The following RNF170 variants were observed in gnomAD, a reference collection of about 807,000 sequenced individuals.
The protein encoded by RNF170 is E3 ubiquitin-protein ligase RNF170.
A neutral mutation model predicts 32.7 loss-of-function variants in RNF170; 12 were observed. The ratio of observed to expected loss-of-function variants is 0.37; its 90% CI spans 0.24 to 0.60. The LOEUF (loss-of-function observed/expected upper bound fraction) is 0.60, where lower values mean the gene tolerates loss of function less well. RNF170 is among the 20% of genes least tolerant of loss of function. The pLI is 0.72. For synonymous variants in RNF170, 91 were observed against 103.6 expected, an observed-to-expected ratio of 0.88 and a Z score of 0.74; for missense variants, 212 against 311.2, an observed-to-expected ratio of 0.68 and a Z score of 2.40.
At chr8:42,849,841 CT>C (rs1802897984), downstream of RNF170, 1 of 152,178 alleles carries the variant, frequency 6.6e-6, no homozygotes, top group South Asian at 2.1e-4. Context: ...ACGCATAGTT[CT>C]GGGGGCTTGG....
chr8:42,889,408 A>C (rs1268514524), intron 1 of RNF170: 1 of 152,204 alleles, frequency 6.6e-6, no homozygotes, highest in Non-Finnish European at 1.5e-5. Flanking sequence ...AAAGTCTTAT[A>C]AGACACCTAA....
intron 5 of RNF170, 126 bp downstream of exon 5, chr8:42,865,290 A>G (rs1804001644): frequency 1.5e-6 from 1 of 656,178 alleles, no homozygotes; most frequent in East Asian, 2.8e-5. Context: ...TGGTGACATC[A>G]AAGAAGATTT....
In RNF170 at chr8:42,854,001, C is replaced by T; in HGVS notation, c.*2158G>A. ...TCAAAAAATGACATCACCATTCCCC[C>T]ACACCAAATGTGTAATTGGTAGGAA... On this transcript the variant is annotated 3_prime_UTR_variant, in exon 7 of 7. Transcript: ENST00000527424. 1 of 1,287,182 alleles carries T rather than the reference C, an allele frequency of 7.8e-7. No homozygotes were observed. The highest frequency in any genetic ancestry group is 1.0e-6 in the Non-Finnish European group (1 of 988,666). 79.7% of individuals were successfully genotyped at this position (1,287,182 alleles called of 1,614,324 possible).
intron 4 of RNF170, among the ~76,000 whole-genome samples, chr8:42,868,697 C>T (rs971622922): frequency 1.2e-4 from 18 of 151,854 alleles, no homozygotes; most frequent in African/African-American, 4.4e-4. Flanking sequence ...TACAAAAATA[C>T]AAAAATTAGC....
intron 2 of RNF170, among the ~76,000 whole-genome samples, chr8:42,887,207 G>T (rs1586552216): frequency 6.6e-6 from 1 of 152,264 alleles, no homozygotes; most frequent in African/African-American, 2.4e-5. Context: ...CAGGAGAATC[G>T]CTTGAACCCC....
intron 3 of RNF170, among the ~76,000 whole-genome samples, chr8:42,873,262 G>A (rs1804653802): frequency 6.6e-6 from 1 of 151,392 alleles, no homozygotes; most frequent in South Asian, 2.1e-4. Flanking sequence ...CAGCAGCCGG[G>A]GCAACATAGT....
chr8:42,884,868 AT>A (rs1202519966), intron 2 of RNF170, among the ~76,000 whole-genome samples: 2 of 139,160 alleles, frequency 1.4e-5, no homozygotes, highest in Admixed American at 1.5e-4. Flanking sequence ...CACCTGGCTA[AT>A]TTTTGTATTT....
At chr8:42,882,082 C>A (rs930912244) in intron 2 of RNF170, among the ~76,000 whole-genome samples, 9 of 151,994 alleles carry the variant, frequency 5.9e-5, no homozygotes, top group Non-Finnish European at 1.2e-4. Flanking sequence ...TTAAAAAAAA[C>A]ACACACACAT....
In RNF170 at chr8:42,854,794, T is replaced by C; in HGVS notation, c.*1365A>G. The C allele has an allele frequency of 3.9e-6, 5 of 1,287,342 alleles. No individual in the cohort carries two copies. Among genetic ancestry groups the C allele is most frequent in the Non-Finnish European group, 5.1e-6 (5 of 988,656 alleles). 79.7% of individuals were successfully genotyped at this position (1,287,342 alleles called of 1,614,324 possible). A position where few individuals can be genotyped will look rare whatever the true frequency, so the allele number is the denominator to read the frequency against. On this transcript the variant is annotated 3_prime_UTR_variant, in exon 7 of 7. Coordinates refer to ENST00000527424, the MANE Select transcript of RNF170 (RefSeq NM_030954.4). ...CATCCTGCTGTCATACATTCACTAA[T>C]GAGCAACGCCAGCTGAAGTGAGTAA... is the stretch of plus-strand genomic sequence containing the variant.
intron 2 of RNF170, among the ~76,000 whole-genome samples, chr8:42,880,651 T>C (rs568657025): frequency 6.6e-6 from 1 of 152,194 alleles, no homozygotes; most frequent in East Asian, 1.9e-4. Flanking sequence ...GCACCTGTAA[T>C]CCCAGCTACT....
intron 2 of RNF170, among the ~76,000 whole-genome samples, chr8:42,878,833 ACT>A (rs1162874680): frequency 1.3e-5 from 2 of 152,046 alleles, no homozygotes; most frequent in Non-Finnish European, 2.9e-5. Context: ...GGCCAGGCTG[ACT>A]CTCTTATTAG....
chr8:42,888,771 C>T (rs989134790), intron 1 of RNF170, among the ~76,000 whole-genome samples: 1 of 143,092 alleles, frequency 7.0e-6, no homozygotes, highest in Admixed American at 7.1e-5. Context: ...GCCCCCCAAC[C>T]TCCCCACCCC....
chr8:42,879,638 G>A (rs1805224762), intron 2 of RNF170, among the ~76,000 whole-genome samples: 1 of 152,058 alleles, frequency 6.6e-6, no homozygotes, highest in African/African-American at 2.4e-5. Context: ...GCAACACAGT[G>A]AGACTCCATC....
intron 2 of RNF170, among the ~76,000 whole-genome samples, chr8:42,883,570 G>GAAA (rs34475440): frequency 6.2e-4 from 27 of 43,746 alleles, no homozygotes; most frequent in South Asian, 1.2e-3. Context: ...CTCTGTCTCA[G>GAAA]AAAAAAAAAA....
intron 6 of RNF170, among the ~76,000 whole-genome samples, chr8:42,858,026 C>T (rs1803370371): frequency 6.6e-6 from 1 of 152,110 alleles, no homozygotes; most frequent in Non-Finnish European, 1.5e-5. Context: ...CAGAGCGAGA[C>T]TCTGTCTCAA....
At chr8:42,873,828 A>G in intron 3 of RNF170, 103 bp downstream of exon 3, 2 of 742,738 alleles carry the variant, frequency 2.7e-6, no homozygotes, top group East Asian at 5.1e-5. Context: ...GAAGCTGGAA[A>G]GAAGCCCATG....
At chr8:42,897,059 C>T (rs1174305501), upstream of RNF170, 6 of 1,125,400 alleles carry the variant, frequency 5.3e-6, no homozygotes, top group East Asian at 9.7e-5. Context: ...GCTGCGCGGG[C>T]CCCCGGATCC....
intron 4 of RNF170, 89 bp downstream of exon 4, chr8:42,869,915 C>T: frequency 1.1e-6 from 1 of 896,784 alleles, no homozygotes; most frequent in East Asian, 2.5e-5. Context: ...CAAAATGTGA[C>T]AAAGAGAAAA....
chr8:42,880,769 CA>C (rs539234451), intron 2 of RNF170, among the ~76,000 whole-genome samples: 2 of 150,298 alleles, frequency 1.3e-5, no homozygotes, highest in Non-Finnish European at 3.0e-5. Flanking sequence ...TACTCTGTCT[CA>C]AAAAAAAAGA....
Sources: gnomAD v4.1 joint callset for allele counts (sites outside exome capture counted in the v4.1 genomes callset) on GRCh38, gnomAD v4.1.1 for gene constraint, MANE v1.5 for transcripts, NCBI Gene and HGNC (gene_info 2026-07-23, HGNC 2026-07-21) for gene names.